DGLUCY: variants seen among roughly 807,000 people sequenced by gnomAD.
The protein encoded by DGLUCY is D-glutamate cyclase, also known as D-glutamate cyclase, mitochondrial.
In DGLUCY, 58 loss-of-function variants were observed where a neutral mutation model predicts 58.5. The ratio of observed to expected loss-of-function variants is 0.99; its 90% confidence interval spans 0.80 to 1.23. DGLUCY has a LOEUF of 1.23. Ranked by LOEUF, DGLUCY falls within the 50% of genes most tolerant of loss-of-function variation. DGLUCY has a pLI of 0.00. For missense variants in DGLUCY, 779 were observed against 784.7 expected, an observed-to-expected ratio of 0.99 and a Z score of 0.09; for synonymous variants, 325 against 314.1, an observed-to-expected ratio of 1.03 and a Z score of -0.37.
At chr14:91,092,739 A>G (rs896259556) in intron 1 of DGLUCY, among the ~76,000 whole-genome samples, 3 of 152,336 alleles carry the variant, frequency 2.0e-5, no homozygotes, top group Admixed American at 2.0e-4. Context: ...AATCCTTGCA[A>G]GTACCTAATC....
rs982582390 is a variant in DGLUCY at position 91,188,761 on chromosome 14, T to G, written c.935-149T>G. 2.7e-5 allele frequency: 24 copies of G among 891,168 alleles called. No homozygotes were observed. The Middle Eastern group carries it at 2.8e-3, about 106-fold the overall frequency. The allele number at this position is 891,168 out of a possible 1,614,324, so 55.2% of individuals were successfully genotyped here. A position where few individuals can be genotyped will look rare whatever the true frequency, so the allele number is the denominator to read the frequency against. On this transcript the variant is annotated intron_variant, in intron 8 of 13. Coordinates refer to ENST00000256324, the MANE Select transcript of DGLUCY (RefSeq NM_001102368.3). ...GGAGGATCACGTGAGCCCAGGAGTT[T>G]GAGGCTGCAGTGAGCTGTGATCACG...
Position 91,156,000 on chromosome 14 carries a change from A to G in DGLUCY, c.-81-1639A>G, listed in dbSNP as rs181025764. Among the ~76,000 whole-genome samples the G allele has an allele frequency of 7.1e-3, 1,087 of 152,180 alleles. 8 individuals carry two copies. The highest frequency in any genetic ancestry group is 0.011 in the Non-Finnish European group (756 of 67,990). On this transcript the variant is annotated intron_variant, in intron 1 of 13. Coordinates refer to ENST00000256324, the MANE Select transcript of DGLUCY (RefSeq NM_001102368.3). ...CTTCTCCATCCTTCCACAGATGTCT[A>G]TGTGGATGTGAACAGAACATGGGCA...
chr14:91,168,515 C>T (rs543044833), intron 4 of DGLUCY, among the ~76,000 whole-genome samples: 90 of 152,218 alleles, frequency 5.9e-4, no homozygotes, highest in African/African-American at 2.1e-3. Context: ...CATTTTTCCC[C>T]GGTGCCTCCT....
rs762622897 is a variant in DGLUCY, at chr14:91,220,646, G to A, written c.1717-4038G>A. 65 of 456,236 alleles carry A rather than the reference G, an allele frequency of 1.4e-4. 1 individual carries two copies. Among genetic ancestry groups the A allele is most frequent in the South Asian group, 9.0e-4 (58 of 64,570 alleles). The allele number at this position is 456,236 out of a possible 1,614,324, so 28.3% of individuals were successfully genotyped here. On this transcript the variant is annotated intron_variant, in intron 13 of 13. Coordinates refer to ENST00000256324, the MANE Select transcript of DGLUCY (RefSeq NM_001102368.3). ...GGAGGCAGATGGAGCCGTTTCTCCC[G>A]CTGCCACACTCCCCAGCCCGGTCCA... is the stretch of plus-strand genomic sequence containing the variant.
intron 13 of DGLUCY, 60 bp downstream of exon 13, chr14:91,215,616 G>T (rs768813670): frequency 6.2e-7 from 1 of 1,608,820 alleles, no homozygotes; most frequent in East Asian, 2.2e-5. Context: ...TGAGCAGCAG[G>T]CCTGAGGTCC....
chr14:91,204,510 G>A lies in DGLUCY; in HGVS notation c.1445-196G>A, dbSNP rs57257861. Among the ~76,000 whole-genome samples the A allele has an allele frequency of 2.8e-4, 42 of 152,258 alleles. 2 individuals are homozygous for A. The East Asian group carries it at 7.5e-3, about 27-fold the overall frequency. ...GCCCACACTGTAGTGTGTTCCAAAC[G>A]TGGACTCATTTTTAACTAAAGAAGT... On this transcript the variant is annotated intron_variant, in intron 11 of 13. Coordinates refer to ENST00000256324, the MANE Select transcript of DGLUCY (RefSeq NM_001102368.3).
At chr14:91,089,068 C>T (rs10139913) in intron 1 of DGLUCY, among the ~76,000 whole-genome samples, 3,505 of 152,298 alleles carry the variant, frequency 0.023, 101 homozygotes, top group African/African-American at 0.071. Flanking sequence ...TTGTCCATTC[C>T]GCACCAGTTG....
chr14:91,178,673 A>G (rs1212421945), intron 7 of DGLUCY, among the ~76,000 whole-genome samples: 1 of 152,228 alleles, frequency 6.6e-6, no homozygotes, highest in African/African-American at 2.4e-5. Context: ...TTACACATCA[A>G]ATCTAAAAGT....
upstream of DGLUCY, among the ~76,000 whole-genome samples, chr14:91,113,798 C>G (rs1011165929): frequency 1.3e-5 from 2 of 152,202 alleles, no homozygotes; most frequent in East Asian, 1.9e-4. Flanking sequence ...TTCACCAGAT[C>G]GGCTGCACAT....
chr14:91,103,300 A>G (rs551217506), upstream of DGLUCY, among the ~76,000 whole-genome samples: 3 of 152,272 alleles, frequency 2.0e-5, no homozygotes, highest in Non-Finnish European at 4.4e-5. Context: ...TCCTGGCCTC[A>G]GACTGCAAAT....
intron 9 of DGLUCY, among the ~76,000 whole-genome samples, chr14:91,194,321 A>C (rs975126409): frequency 2.6e-5 from 4 of 152,156 alleles, no homozygotes; most frequent in Non-Finnish European, 5.9e-5. Flanking sequence ...CTCTAAGTTC[A>C]GCCCCCTTTC....
At chr14:91,084,435 C>A (rs1193290617) in intron 1 of DGLUCY, among the ~76,000 whole-genome samples, 1 of 152,012 alleles carries the variant, frequency 6.6e-6, no homozygotes, top group Non-Finnish European at 1.5e-5. Flanking sequence ...GATCTCCTGA[C>A]CTCAAGTGAC....
At chr14:91,218,110 G>A (rs942932217) in intron 13 of DGLUCY, among the ~76,000 whole-genome samples, 26 of 152,198 alleles carry the variant, frequency 1.7e-4, no homozygotes, top group Non-Finnish European at 8.8e-5. Flanking sequence ...AGAGAGATGG[G>A]GGAGGGGGAG....
At chr14:91,198,419 AC>A (rs1055112703) in intron 10 of DGLUCY, among the ~76,000 whole-genome samples, 6 of 148,562 alleles carry the variant, frequency 4.0e-5, no homozygotes, top group Non-Finnish European at 8.9e-5. Flanking sequence ...ATCTTGGCTC[AC>A]TGCAACCTCT....
chr14:91,126,059 G>A (rs2045658844), intron 1 of DGLUCY, among the ~76,000 whole-genome samples: 1 of 152,210 alleles, frequency 6.6e-6, no homozygotes, highest in African/African-American at 2.4e-5. Context: ...ACCTAGGTCT[G>A]AGATAGTGAC....
At chr14:91,202,514 A>G (rs1206439832) in intron 11 of DGLUCY, among the ~76,000 whole-genome samples, 1 of 152,166 alleles carries the variant, frequency 6.6e-6, no homozygotes, top group Non-Finnish European at 1.5e-5. Context: ...GGCTTTTCCC[A>G]GAAGAGGCTG....
rs557046856 is a variant in DGLUCY at position 91,217,350 on chromosome 14, G to A, written c.1716+1794G>A. On this transcript the variant is annotated intron_variant, in intron 13 of 13. Coordinates refer to ENST00000256324, the MANE Select transcript of DGLUCY (RefSeq NM_001102368.3). ...GGGAAAGCAAATCCAAGAGGCCGGA[G>A]GGTCCTGAGCACTGAGCCTGCAGAA... Among the ~76,000 whole-genome samples, 277 of 151,376 alleles carry A rather than the reference G, an allele frequency of 1.8e-3. 5 individuals are homozygous for A. Among genetic ancestry groups the A allele is most frequent in the Non-Finnish European group, 2.5e-4 (17 of 67,502 alleles).
chr14:91,118,115 C>T (rs1204372472), intron 1 of DGLUCY, among the ~76,000 whole-genome samples: 1 of 116,108 alleles, frequency 8.6e-6, no homozygotes, highest in Non-Finnish European at 1.6e-5. Flanking sequence ...GAGTCTCACT[C>T]TGTTGTCCAG....
chr14:91,093,102 A>T (rs2044340138), intron 1 of DGLUCY, among the ~76,000 whole-genome samples: 2 of 151,618 alleles, frequency 1.3e-5, no homozygotes, highest in Non-Finnish European at 2.9e-5. Context: ...AAAAAAAAAG[A>T]TAATTTGTGA....
Sources: allele counts gnomAD v4.1 joint callset (sites outside exome capture counted in the v4.1 genomes callset), GRCh38; gene constraint gnomAD v4.1.1; transcripts MANE v1.5; gene names NCBI Gene and HGNC (gene_info 2026-07-23, HGNC 2026-07-21).